Variants in ARB2A observed in about 807,000 individuals in gnomAD.
ARB2A encodes the protein ARB2 cotranscriptional regulator A, also known as cotranscriptional regulator ARB2A.
the ARB2A span, chr5:94,055,989 C>T: frequency 7.5e-6 from 6 of 800,246 alleles, no homozygotes; most frequent in Non-Finnish European, 9.1e-6. Flanking sequence ...CATCACAATC[C>T]TATGAAATAG....
the ARB2A span, among the ~76,000 whole-genome samples, chr5:93,710,959 A>G: frequency 6.6e-6 from 1 of 152,210 alleles, no homozygotes; most frequent in South Asian, 2.1e-4. Context: ...TGCAGATAAA[A>G]GTCACACACT....
the ARB2A span, among the ~76,000 whole-genome samples, chr5:93,927,251 C>T: frequency 1.2e-3 from 183 of 152,228 alleles, 1 homozygote; most frequent in African/African-American, 4.1e-3. Flanking sequence ...GGAAAAAGAA[C>T]TAGGAAAGGG....
At chr5:94,103,496 T>C in the ARB2A span, among the ~76,000 whole-genome samples, 10 of 152,096 alleles carry the variant, frequency 6.6e-5, no homozygotes, top group South Asian at 2.1e-4. Flanking sequence ...GCATCCAACA[T>C]TGGAGCACCC....
the ARB2A span, among the ~76,000 whole-genome samples, chr5:93,797,730 G>A: frequency 2.6e-5 from 4 of 152,142 alleles, no homozygotes; most frequent in East Asian, 7.7e-4. Context: ...TAATATAAAA[G>A]GCAATATACA....
the ARB2A span, among the ~76,000 whole-genome samples, chr5:93,661,496 T>C: frequency 6.6e-6 from 1 of 152,110 alleles, no homozygotes; most frequent in Non-Finnish European, 1.5e-5. Context: ...TGCACAGCTG[T>C]TGAAACCAGG....
the ARB2A span, among the ~76,000 whole-genome samples, chr5:93,780,027 T>C: frequency 6.6e-6 from 1 of 152,194 alleles, no homozygotes; most frequent in Admixed American, 6.5e-5. Flanking sequence ...AAGCAGGTAG[T>C]AGCTATTCCT....
the ARB2A span, among the ~76,000 whole-genome samples, chr5:93,939,128 T>C: frequency 0.012 from 1,877 of 152,302 alleles, 42 homozygotes; most frequent in African/African-American, 0.043. Context: ...AATAAGCAAG[T>C]ATTTATTCCT....
the ARB2A span, among the ~76,000 whole-genome samples, chr5:93,894,909 T>A: frequency 1.3e-5 from 2 of 152,184 alleles, no homozygotes; most frequent in African/African-American, 4.8e-5. Context: ...TTTTCCAATC[T>A]GTATGAACGG....
At chr5:94,067,970 A>G in the ARB2A span, among the ~76,000 whole-genome samples, 1 of 152,218 alleles carries the variant, frequency 6.6e-6, no homozygotes, top group Non-Finnish European at 1.5e-5. Context: ...TATTTTAAAA[A>G]TAAAAGACTT....
the ARB2A span, among the ~76,000 whole-genome samples, chr5:93,678,633 G>A: frequency 6.6e-6 from 1 of 152,210 alleles, no homozygotes; most frequent in Non-Finnish European, 1.5e-5. Flanking sequence ...GCAGGCGCCT[G>A]TAATCCCAGC....
At chr5:93,826,271 C>T in the ARB2A span, among the ~76,000 whole-genome samples, 1 of 152,184 alleles carries the variant, frequency 6.6e-6, no homozygotes, top group South Asian at 2.1e-4. Context: ...CACTAAAAGA[C>T]TCATTTCCTA....
the ARB2A span, among the ~76,000 whole-genome samples, chr5:93,927,059 T>C: frequency 6.6e-6 from 1 of 150,638 alleles, no homozygotes; most frequent in South Asian, 2.1e-4. Context: ...AAAAATCCTC[T>C]CTAAGAAACA....
chr5:93,695,779 C>T, the ARB2A span, among the ~76,000 whole-genome samples: 3 of 152,124 alleles, frequency 2.0e-5, no homozygotes, highest in African/African-American at 7.2e-5. Context: ...AGACCTGGAT[C>T]CAACCCAAAT....
the ARB2A span, chr5:93,620,803 T>A: frequency 5.9e-6 from 4 of 681,286 alleles, no homozygotes; most frequent in Non-Finnish European, 8.7e-6. Context: ...AGTGAACCCA[T>A]ATTGCTTTGA....
the ARB2A span, among the ~76,000 whole-genome samples, chr5:93,847,039 A>G: frequency 5.3e-5 from 8 of 152,186 alleles, no homozygotes; most frequent in Non-Finnish European, 1.0e-4. Context: ...AGTTTACGTA[A>G]TATTTGTAAT....
the ARB2A span, among the ~76,000 whole-genome samples, chr5:93,904,124 A>T: frequency 2.0e-5 from 3 of 151,956 alleles, no homozygotes; most frequent in Admixed American, 6.6e-5. Flanking sequence ...CTACTGTACT[A>T]CTGTATAGAC....
At chr5:93,988,488 C>T in the ARB2A span, among the ~76,000 whole-genome samples, 21 of 152,264 alleles carry the variant, frequency 1.4e-4, no homozygotes, top group Admixed American at 5.2e-4. Flanking sequence ...TCTTTGCTTA[C>T]GTTAACATCT....
chr5:93,815,579 C>T, the ARB2A span, among the ~76,000 whole-genome samples: 151,882 of 152,298 alleles, frequency 1, 75,735 homozygotes, highest in Middle Eastern at 1. Context: ...CTGATTTTTA[C>T]GCCTATGATA....
chr5:93,835,015 C>A, the ARB2A span, among the ~76,000 whole-genome samples: 3 of 152,154 alleles, frequency 2.0e-5, no homozygotes, highest in Admixed American at 1.3e-4. Context: ...AATATGCTAA[C>A]GTACAAAGTG....
Sources: gnomAD v4.1 joint callset for allele counts (sites outside exome capture counted in the v4.1 genomes callset) on GRCh38, gnomAD v4.1.1 for gene constraint, MANE v1.5 for transcripts, NCBI Gene and HGNC (gene_info 2026-07-23, HGNC 2026-07-21) for gene names.